NKAIN2: variants seen among roughly 807,000 people sequenced by gnomAD.
NKAIN2 encodes the protein sodium/potassium-transporting ATPase subunit beta-1-interacting protein 2.
A neutral mutation model predicts 32.6 loss-of-function variants in NKAIN2; 14 were observed. The ratio of observed to expected loss-of-function variants is 0.43; its 90% confidence interval spans 0.28 to 0.67. The LOEUF is 0.67. Among genes scored for constraint, NKAIN2 ranks in the 30% least tolerant of loss-of-function variants. NKAIN2 has a pLI of 0.17. For synonymous variants in NKAIN2, 80 were observed against 87.2 expected, an observed-to-expected ratio of 0.92 and a Z score of 0.46; for missense variants, 198 against 258.3, an observed-to-expected ratio of 0.77 and a Z score of 1.60.
At chr6:124,198,337 C>A (rs1220007327) in intron 1 of NKAIN2, among the ~76,000 whole-genome samples, 1 of 151,726 alleles carries the variant, frequency 6.6e-6, no homozygotes, top group Non-Finnish European at 1.5e-5. Flanking sequence ...GTGGGGATAG[C>A]AGTTCTCTGT....
chr6:124,698,107 AT>A (rs1224551009), intron 4 of NKAIN2, among the ~76,000 whole-genome samples: 2 of 152,094 alleles, frequency 1.3e-5, no homozygotes, highest in Non-Finnish European at 2.9e-5. Flanking sequence ...GGTGATTTCT[AT>A]TTTTCTTTAT....
At chr6:124,393,696 A>G (rs1773239784) in intron 3 of NKAIN2, among the ~76,000 whole-genome samples, 1 of 152,122 alleles carries the variant, frequency 6.6e-6, no homozygotes, top group Admixed American at 6.5e-5. Context: ...GACACCCTAT[A>G]CCCAGCAAGC....
chr6:124,205,860 T>G (rs1233058580), intron 1 of NKAIN2, among the ~76,000 whole-genome samples: 1 of 151,874 alleles, frequency 6.6e-6, no homozygotes, highest in Admixed American at 6.6e-5. Context: ...TAACAAAATG[T>G]CTTTAGTTTC....
At chr6:123,955,866 A>T (rs970185356) in intron 1 of NKAIN2, among the ~76,000 whole-genome samples, 1 of 152,080 alleles carries the variant, frequency 6.6e-6, no homozygotes, top group African/African-American at 2.4e-5. Context: ...GACCTCCAGC[A>T]GTCCTCCTGC....
chr6:124,365,927 A>G (rs1799497443), intron 3 of NKAIN2, among the ~76,000 whole-genome samples: 1 of 152,022 alleles, frequency 6.6e-6, no homozygotes, highest in Non-Finnish European at 1.5e-5. Context: ...AGTATTCTGA[A>G]CTCAATAAAA....
chr6:124,080,498 T>C (rs1783909567), intron 1 of NKAIN2, among the ~76,000 whole-genome samples: 1 of 152,150 alleles, frequency 6.6e-6, no homozygotes, highest in Non-Finnish European at 1.5e-5. Context: ...GTGTCTTAAA[T>C]ATTTTTTATC....
intron 1 of NKAIN2, among the ~76,000 whole-genome samples, chr6:123,975,928 G>T (rs1324219371): frequency 6.6e-6 from 1 of 151,914 alleles, no homozygotes. Flanking sequence ...TGTCGCGGGA[G>T]GGACCCCGTG....
At chr6:124,171,565 T>TTTC (rs1788861651) in intron 1 of NKAIN2, among the ~76,000 whole-genome samples, 1 of 147,580 alleles carries the variant, frequency 6.8e-6, no homozygotes, top group Non-Finnish European at 1.5e-5. Context: ...TTTTTTTTTT[T>TTTC]TTTTGAGACA....
At position 123,911,809 on chromosome 6, in the gene NKAIN2, A is replaced by ATATATGTGTATATATATATATATGTG. The variant is rs1554222371; in HGVS notation, c.54+107559_54+107560insTGTGTATATATATATATATGTGTATA. ...TATATATATATATATATGTATATATATATACACACACACACACACACACAC... is the reference window on the plus strand; with the variant it reads ...TATATATATATATATATGTATATATATATATGTGTATATATATATATATGTGTATACACACACACACACACACACAC... On this transcript the variant is annotated intron_variant, in intron 1 of 6. Coordinates refer to ENST00000368417, the MANE Select transcript of NKAIN2 (RefSeq NM_001040214.3). Among the ~76,000 whole-genome samples the ATATATGTGTATATATATATATATGTG allele has an allele frequency of 2.9e-5, 3 of 102,010 alleles. 1 individual carries two copies. The highest frequency in any genetic ancestry group is 1.4e-4 in the African/African-American group (3 of 21,366). The allele number at this position is 102,010 out of a possible 152,430, so 66.9% of individuals were successfully genotyped here.
intron 2 of NKAIN2, among the ~76,000 whole-genome samples, chr6:124,333,947 TA>T (rs1797766379): frequency 6.6e-6 from 1 of 152,214 alleles, no homozygotes; most frequent in African/African-American, 2.4e-5. Flanking sequence ...TGCTTTTTGT[TA>T]AAGCAAGTAC....
chr6:124,609,345 A>G (rs1782606039), intron 3 of NKAIN2, among the ~76,000 whole-genome samples: 1 of 152,208 alleles, frequency 6.6e-6, no homozygotes, highest in South Asian at 2.1e-4. Context: ...GGCTAAAGTC[A>G]GTTTTACTTT....
intron 1 of NKAIN2, among the ~76,000 whole-genome samples, chr6:124,064,247 C>T (rs911905609): frequency 6.6e-6 from 1 of 152,076 alleles, no homozygotes; most frequent in Non-Finnish European, 1.5e-5. Context: ...ACATTATTTA[C>T]ATATGATTAC....
At position 124,638,887 on chromosome 6, in the gene NKAIN2, C is replaced by CAAAAAAA. The variant is rs35802663; in HGVS notation, c.274-19283_274-19277dup. Among the ~76,000 whole-genome samples the CAAAAAAA allele has an allele frequency of 1.5e-3, 120 of 82,328 alleles. 3 individuals carry two copies. The highest frequency in any genetic ancestry group is 1.8e-3 in the Admixed American group (13 of 7,264). 54.0% of individuals were successfully genotyped at this position (82,328 alleles called of 152,430 possible). ...GCCTGGGGGCAGAGTGAGACTCTGT[C>CAAAAAAA]AAAAAAAAAAAAAAAAAAAAAAGAT... On this transcript the variant is annotated intron_variant, in intron 3 of 6. Coordinates refer to ENST00000368417, the MANE Select transcript of NKAIN2 (RefSeq NM_001040214.3).
chr6:124,384,633 T>C (rs1218254439), intron 3 of NKAIN2, among the ~76,000 whole-genome samples: 1 of 145,998 alleles, frequency 6.8e-6, no homozygotes, highest in East Asian at 1.9e-4. Flanking sequence ...CACTTTCTGT[T>C]TTTTTGAGAC....
chr6:124,687,743 T>TATACACACACACAC (rs1554251784), intron 4 of NKAIN2, among the ~76,000 whole-genome samples: 14 of 104,370 alleles, frequency 1.3e-4, no homozygotes, highest in South Asian at 1.3e-3. Flanking sequence ...ATATGATATA[T>TATACACACACACAC]ACACACACAC....
In NKAIN2 at chr6:124,116,832, A is replaced by G. The variant is rs1311221984; in HGVS notation, c.55-166173A>G. On this transcript the variant is annotated intron_variant, in intron 1 of 6. Transcript: ENST00000368417. ...GATGAGAGTAAAGGAAGTGGTAAAG[A>G]TCTAGATAATATGTAATCTTATTTA... 2.6e-5 allele frequency among the ~76,000 whole-genome samples: 4 copies of G among 152,152 alleles called. 1 individual carries two copies. The highest frequency in any genetic ancestry group is 2.6e-4 in the Admixed American group (4 of 15,250).
At chr6:124,254,785 G>A (rs1054821995) in intron 1 of NKAIN2, among the ~76,000 whole-genome samples, 1 of 152,100 alleles carries the variant, frequency 6.6e-6, no homozygotes, top group Non-Finnish European at 1.5e-5. Flanking sequence ...AAACTAGATA[G>A]TAAAATGCTT....
intron 1 of NKAIN2, among the ~76,000 whole-genome samples, chr6:124,143,635 G>A (rs113213146): frequency 1.8e-4 from 27 of 152,260 alleles, no homozygotes; most frequent in African/African-American, 6.3e-4. Flanking sequence ...CAGGAACAAG[G>A]CAGATTGCCA....
chr6:124,031,188 C>T (rs9491050), intron 1 of NKAIN2, among the ~76,000 whole-genome samples: 9 of 151,934 alleles, frequency 5.9e-5, no homozygotes, highest in African/African-American at 1.9e-4. Flanking sequence ...TGTAACAAGA[C>T]GTGGCCAGCA....
Sources: allele counts gnomAD v4.1 joint callset (sites outside exome capture counted in the v4.1 genomes callset), GRCh38; gene constraint gnomAD v4.1.1; transcripts MANE v1.5; gene names NCBI Gene and HGNC (gene_info 2026-07-23, HGNC 2026-07-21).